The following PARD3B variants were observed in gnomAD, a reference collection of about 807,000 sequenced individuals.
PARD3B encodes the protein par-3 family cell polarity regulator beta.
A neutral mutation model predicts 130.2 loss-of-function variants in PARD3B; 103 were observed. The observed-to-expected ratio is 0.79, with a 90% CI of 0.67 to 0.93. The LOEUF is 0.93. Ranked by LOEUF, PARD3B falls within the 40% of genes least tolerant of loss-of-function variation. The pLI, the probability that PARD3B is intolerant of heterozygous loss-of-function variation, is 0.00. For synonymous variants in PARD3B, 583 were observed against 553.2 expected (o/e 1.05, Z -0.76); for missense variants, 1,609 against 1,499.2 (o/e 1.07, Z -1.21).
rs1254990050 is a variant in PARD3B at position 205,446,384 on chromosome 2, T to C, written c.3044+5712T>C. ...TAGGCTGTTTAATAGCATAGGCGGT[T>C]TATCCTCATCTACTTATTTGTAAAA... On this transcript the variant is annotated intron_variant, in intron 20 of 22. Coordinates refer to ENST00000406610, the MANE Select transcript of PARD3B (RefSeq NM_001302769.2). This position sits in a 1 kb window ranked among gnomAD's most constrained non-coding sequence, Gnocchi z 4.4. 3.3e-5 allele frequency among the ~76,000 whole-genome samples: 5 copies of C among 152,188 alleles called. No homozygotes were observed. Among genetic ancestry groups the C allele is most frequent in the Non-Finnish European group, 7.3e-5 (5 of 68,040 alleles).
chr2:205,400,641 C>CAAAAAAAAAAAAAAAAAAAA (rs375044318), intron 18 of PARD3B, among the ~76,000 whole-genome samples: 1 of 137,690 alleles, frequency 7.3e-6, no homozygotes, highest in African/African-American at 2.7e-5. Flanking sequence ...GACGCTGTCT[C>CAAAAAAAAAAAAAAAAAAAA]AAAAAAAAAA....
chr2:204,716,413 G>A (rs1477186248), intron 2 of PARD3B, among the ~76,000 whole-genome samples: 1 of 151,880 alleles, frequency 6.6e-6, no homozygotes, highest in Non-Finnish European at 1.5e-5. Flanking sequence ...TGGCTTAGGG[G>A]GCCAGAGTTA....
intron 16 of PARD3B, among the ~76,000 whole-genome samples, chr2:205,285,297 A>G (rs561027487): frequency 2.3e-4 from 35 of 151,954 alleles, no homozygotes; most frequent in South Asian, 6.2e-4. Flanking sequence ...TATTATTATT[A>G]TTGTTGTTGT....
Position 205,470,975 on chromosome 2 carries a change from G to C in PARD3B, c.3045-28921G>C, listed in dbSNP as rs1007030296. ...TCAAGCCCAGGAATGATGTGAATCA[G>C]ACATCAGAAGGGAGAATCAATTCTT... On this transcript the variant is annotated intron_variant, in intron 20 of 22. Transcript: ENST00000406610. The surrounding 1 kb of genome is among the most constrained non-coding windows in gnomAD (Gnocchi z 4.8). Among the ~76,000 whole-genome samples the C allele has an allele frequency of 2.6e-5, 4 of 152,218 alleles. No homozygotes were observed. The highest frequency in any genetic ancestry group is 4.4e-5 in the Non-Finnish European group (3 of 68,040).
chr2:205,224,342 G>T (rs551460539), intron 15 of PARD3B, among the ~76,000 whole-genome samples: 42 of 119,988 alleles, frequency 3.5e-4, no homozygotes, highest in Non-Finnish European at 5.9e-4. Context: ...CTGCACTCCA[G>T]CCTGGGCCAC....
Position 205,300,780 on chromosome 2 carries a change from T to A in PARD3B, c.2392+44T>A, listed in dbSNP as rs1403014398. The A allele has an allele frequency of 1.3e-6, 2 of 1,560,594 alleles. No individual in the cohort carries two copies. The highest frequency in any genetic ancestry group is 2.3e-5 in the East Asian group (1 of 43,956). On this transcript the variant is annotated intron_variant, in intron 17 of 22. Coordinates refer to ENST00000406610, the MANE Select transcript of PARD3B (RefSeq NM_001302769.2). This position sits in a 1 kb window ranked among gnomAD's most constrained non-coding sequence, Gnocchi z 4.1. Reference sequence around the variant, plus strand: ...TTAAATGGCTTCTTCATCTCATTATTATCTGCAAATCATGGGCAAGAATGT... The same window carrying A: ...TTAAATGGCTTCTTCATCTCATTATAATCTGCAAATCATGGGCAAGAATGT...
chr2:205,349,957 C>T (rs1473049401), intron 18 of PARD3B, among the ~76,000 whole-genome samples: 3 of 152,064 alleles, frequency 2.0e-5, no homozygotes, highest in South Asian at 2.1e-4. Flanking sequence ...GGCACCAAAA[C>T]GCACCCAAGC....
intron 2 of PARD3B, among the ~76,000 whole-genome samples, chr2:204,842,670 A>T: frequency 6.6e-6 from 1 of 152,212 alleles, no homozygotes; most frequent in Non-Finnish European, 1.5e-5. Context: ...AGAATTGCTG[A>T]GCAAATGTCT....
In PARD3B at chr2:205,499,992, CGAAG is replaced by C. The variant is rs745559925; in HGVS notation, c.3146_3149del (p.Gly1049GlufsTer45). ...AAGGTTTCCCTTTATATGAAGACGACGAAGGAAGAGCAAGGCCATCTGAGTATGA... is the reference window on the plus strand; with the variant it reads ...AAGGTTTCCCTTTATATGAAGACGACGAAGAGCAAGGCCATCTGAGTATGA... On this transcript the variant is annotated frameshift_variant, in exon 21 of 23. Transcript: ENST00000406610. LOFTEE classifies it high-confidence loss of function. The C allele has an allele frequency of 6.2e-7, 1 of 1,613,716 alleles. No individual in the cohort carries two copies. Among genetic ancestry groups the C allele is most frequent in the East Asian group, 2.2e-5 (1 of 44,856 alleles).
chr2:204,554,447 G>C (rs1359478188), intron 1 of PARD3B, among the ~76,000 whole-genome samples: 3 of 151,826 alleles, frequency 2.0e-5, no homozygotes, highest in Non-Finnish European at 4.4e-5. Context: ...CTTTCTAGCT[G>C]TTCACCAGAA....
chr2:205,252,908 G>A (rs1243524915), intron 16 of PARD3B, among the ~76,000 whole-genome samples: 1 of 146,362 alleles, frequency 6.8e-6, no homozygotes, highest in African/African-American at 2.5e-5. Context: ...GATGATGTTG[G>A]CCTAAGTGTC....
chr2:204,658,698 A>G (rs1574633580), intron 1 of PARD3B, among the ~76,000 whole-genome samples: 1 of 152,096 alleles, frequency 6.6e-6, no homozygotes, highest in Admixed American at 6.6e-5. Flanking sequence ...TCATTGCTAG[A>G]TTTCTAGAAA....
intron 1 of PARD3B, among the ~76,000 whole-genome samples, chr2:204,552,351 C>T (rs139874488): frequency 6.6e-6 from 1 of 152,132 alleles, no homozygotes; most frequent in African/African-American, 2.4e-5. Flanking sequence ...CAGTTTACAC[C>T]TTTGGTGCAA....
intron 1 of PARD3B, among the ~76,000 whole-genome samples, chr2:204,645,516 A>G (rs1170069418): frequency 2.6e-5 from 4 of 152,158 alleles, no homozygotes; most frequent in African/African-American, 4.8e-5. Context: ...GTGACATATT[A>G]GTTAAGGCAT....
chr2:204,943,357 C>G lies in PARD3B; in HGVS notation c.223-21795C>G, dbSNP rs537217528. ...TGATGAGAAAGAGGTTAGAGGTAGACTGGCTGCTGGAAAAGAGAAGCCAAG... is the reference window on the plus strand; with the variant it reads ...TGATGAGAAAGAGGTTAGAGGTAGAGTGGCTGCTGGAAAAGAGAAGCCAAG... On this transcript the variant is annotated intron_variant, in intron 2 of 22. Transcript: ENST00000406610. This position sits in a 1 kb window ranked among gnomAD's most constrained non-coding sequence, Gnocchi z 4.2. Among the ~76,000 whole-genome samples the G allele has an allele frequency of 3.3e-5, 5 of 152,206 alleles. No individual in the cohort carries two copies. The South Asian group carries it at 1.0e-3, about 32-fold the overall frequency.
At chr2:204,578,140 G>C (rs79922859) in intron 1 of PARD3B, among the ~76,000 whole-genome samples, 2,890 of 152,298 alleles carry the variant, frequency 0.019, 81 homozygotes, top group African/African-American at 0.066. Context: ...CCTGTTTTTA[G>C]AGTGTTTTGC....
chr2:205,181,901 A>T (rs2035808740), intron 13 of PARD3B, among the ~76,000 whole-genome samples: 1 of 152,278 alleles, frequency 6.6e-6, no homozygotes, highest in Admixed American at 6.5e-5. Context: ...AGGAGATAAG[A>T]GTTCCAGACT....
At chr2:205,148,595 T>C (rs549057370) in intron 10 of PARD3B, among the ~76,000 whole-genome samples, 17 of 152,336 alleles carry the variant, frequency 1.1e-4, no homozygotes, top group Admixed American at 3.3e-4. Flanking sequence ...TATTTAGCTG[T>C]AACAAAAGTT....
At chr2:205,514,063 A>T (rs2050694179) in intron 21 of PARD3B, among the ~76,000 whole-genome samples, 1 of 152,150 alleles carries the variant, frequency 6.6e-6, no homozygotes, top group Admixed American at 6.5e-5. Context: ...TTTCATGATG[A>T]TACTTTTCTT....
Sources: allele counts gnomAD v4.1 joint callset (sites outside exome capture counted in the v4.1 genomes callset), GRCh38; gene constraint gnomAD v4.1.1; non-coding constraint Gnocchi (gnomAD v3.1); transcripts MANE v1.5; gene names NCBI Gene and HGNC (gene_info 2026-07-23, HGNC 2026-07-21).